SCO2: variants seen among roughly 807,000 people sequenced by gnomAD.
The protein encoded by SCO2 is cytochrome c oxidase assembly factor SCO2.
For synonymous variants in SCO2, 195 were observed against 148.6 expected (o/e 1.31, Z -2.27); for missense variants, 429 against 348.7 (o/e 1.23, Z -1.83).
chr22:50,525,888 C>T (rs1348985658), upstream of SCO2: 3 of 1,575,620 alleles, frequency 1.9e-6, no homozygotes, highest in Non-Finnish European at 2.6e-6. Flanking sequence ...GAGCGCGGGG[C>T]CGTCCCGGTG....
chr22:50,523,819 A>G lies in SCO2; in HGVS notation c.593T>C (p.Val198Ala), dbSNP rs747200175. The change falls in exon 2 of 2, where the codon GTT (valine) becomes GCT (alanine). Residue 198 changes from valine (V) to alanine (A), a missense_variant. Coordinates refer to ENST00000395693, the MANE Select transcript of SCO2 (RefSeq NM_005138.3). ...GCGGTAACTGTGACTAGCCTGGGCA[A>G]CCTGTTTGGTGGAGCCGGTCAGACC... ...LLGLTGSTKQ[V>A]AQASHSYRVY... The G allele has an allele frequency of 4.3e-6, 7 of 1,613,974 alleles. No individual in the cohort carries two copies. In the South Asian group the frequency reaches 7.7e-5, roughly 18 times the overall value.
At chr22:50,525,675 G>A (rs1046302038), upstream of SCO2, 15 of 1,533,086 alleles carry the variant, frequency 9.8e-6, no homozygotes, top group African/African-American at 8.3e-5. Flanking sequence ...GAGCCCGCCG[G>A]GGGTCACGTG....
upstream of SCO2, chr22:50,526,403 C>T: frequency 3.3e-6 from 5 of 1,518,004 alleles, no homozygotes; most frequent in Non-Finnish European, 4.4e-6. Context: ...AGCCGTCGTC[C>T]AGCGCCGCGG....
rs1458474596 is a variant in SCO2, at chr22:50,525,516, C to A, written c.-58G>T. On this transcript the variant is annotated 5_prime_UTR_variant, in exon 1 of 2. Transcript: ENST00000395693. The stretch of plus-strand genomic sequence containing the variant: ...TCAGTGGACCAAGCACGAGAGGAAG[C>A]GCCGACCTCCAGCTCCCTGCGCTCT... The A allele has an allele frequency of 7.1e-6, 4 of 563,438 alleles. No homozygotes were observed. The highest frequency in any genetic ancestry group is 2.0e-5 in the African/African-American group (1 of 49,382). The allele number at this position is 563,438 out of a possible 1,614,324, so 34.9% of individuals were successfully genotyped here. A position where few individuals can be genotyped will look rare whatever the true frequency, so the allele number is the denominator to read the frequency against.
Position 50,525,531 on chromosome 22 carries a change from C to T in SCO2, c.-73G>A, listed in dbSNP as rs1340762031. On this transcript the variant is annotated 5_prime_UTR_variant, in exon 1 of 2. Transcript: ENST00000395693. ...CGAGAGGAAGCGCCGACCTCCAGCT[C>T]CCTGCGCTCTGCCCCGCCGGCTCAG... is the stretch of plus-strand genomic sequence containing the variant. The T allele has an allele frequency of 4.9e-6, 3 of 611,936 alleles. No homozygotes were observed. The highest frequency in any genetic ancestry group is 3.0e-5 in the East Asian group (1 of 32,976). The allele number at this position is 611,936 out of a possible 1,614,324, so 37.9% of individuals were successfully genotyped here. A position where few individuals can be genotyped will look rare whatever the true frequency, so the allele number is the denominator to read the frequency against.
At chr22:50,525,715 C>T (rs1189910034), upstream of SCO2, 7 of 1,583,960 alleles carry the variant, frequency 4.4e-6, no homozygotes, top group African/African-American at 2.7e-5. Flanking sequence ...CCTCCGCAGC[C>T]CTGGATCCTT....
chr22:50,526,240 G>T, upstream of SCO2: 3 of 1,536,822 alleles, frequency 2.0e-6, no homozygotes, highest in Non-Finnish European at 1.7e-6. Context: ...CTCCCCCGAC[G>T]CTCACCATCT....
intron 1 of SCO2, among the ~76,000 whole-genome samples, chr22:50,524,992 C>T (rs982665615): frequency 6.6e-6 from 1 of 152,198 alleles, no homozygotes; most frequent in Non-Finnish European, 1.5e-5. Flanking sequence ...CCACAAAACC[C>T]CACCCTCCTC....
In SCO2 at chr22:50,523,688, C is replaced by T. The variant is rs200610534; in HGVS notation, c.724G>A (p.Gly242Ser). The T allele has an allele frequency of 3.0e-5, 48 of 1,614,080 alleles. No homozygotes were observed. Among genetic ancestry groups the T allele is most frequent in the African/African-American group, 2.0e-4 (15 of 75,040 alleles). Residue 242 changes from glycine (G) to serine (S), a missense_variant, in exon 2 of 2, where the codon GGC (glycine) becomes AGC (serine). Gly to Ser is a moderately conservative substitution (Grantham distance 56). Transcript: ENST00000395693. ...ATCTGCTCAGCCGATCTGCTCCGGC[C>T]GTAGTAATCCGTGAAGAGGCCGTCA... ...NPDGLFTDYYGRSRSAEQISD... is the reference protein window; with the variant it reads ...NPDGLFTDYYSRSRSAEQISD...
upstream of SCO2, chr22:50,525,822 G>A (rs2069331076): frequency 6.2e-7 from 1 of 1,610,106 alleles, no homozygotes; most frequent in African/African-American, 1.3e-5. Context: ...GGCGGCGAAT[G>A]GCGCGCGGTC....
upstream of SCO2, chr22:50,525,881 C>T (rs1381632818): frequency 1.9e-6 from 3 of 1,583,192 alleles, no homozygotes; most frequent in Non-Finnish European, 2.6e-6. Context: ...GGCCGCTGAG[C>T]GCGGGGCCGT....
chr22:50,524,230 A>G lies in SCO2; in HGVS notation c.182T>C (p.Leu61Pro), dbSNP rs998111439. ...QPQGPGLRTR[L>P]LITGLFGAGL... Reference sequence around the variant, plus strand: ...AGCCCCGAACAGGCCTGTGATCAGCAGCCGGGTTCGAAGCCCAGGGCCCTG... The same window carrying G: ...AGCCCCGAACAGGCCTGTGATCAGCGGCCGGGTTCGAAGCCCAGGGCCCTG... The change falls in exon 2 of 2, where the codon CTG becomes CCG. Residue 61 changes from leucine (L) to proline (P), a missense_variant. Leu to Pro is a moderately conservative substitution (Grantham distance 98). Coordinates refer to ENST00000395693, the MANE Select transcript of SCO2 (RefSeq NM_005138.3). The G allele has an allele frequency of 6.2e-7, 1 of 1,607,304 alleles. No homozygotes were observed. Among genetic ancestry groups the G allele is most frequent in the African/African-American group, 1.3e-5 (1 of 74,988 alleles).
At chr22:50,525,656 C>T (rs2069318697), upstream of SCO2, 2 of 1,484,714 alleles carry the variant, frequency 1.3e-6, no homozygotes, top group Non-Finnish European at 1.8e-6. Context: ...AGCGCGTGCG[C>T]GGAAGGCGGA....
upstream of SCO2, chr22:50,525,783 G>T (rs1245466741): frequency 6.8e-6 from 11 of 1,610,866 alleles, no homozygotes; most frequent in South Asian, 1.1e-5. Flanking sequence ...TTGCTGCGGC[G>T]GCAGAACGAG....
rs749910960 is a variant in SCO2, at chr22:50,523,922, A to G, written c.490T>C (p.Phe164Leu). Residue 164 changes from phenylalanine (F) to leucine (L), a missense_variant, in exon 2 of 2, where the codon TTC becomes CTC. Transcript: ENST00000395693. Reference protein sequence around the residue: ...EPGLPPVQPVFITVDPERDDV... With the variant: ...EPGLPPVQPVLITVDPERDDV... ...TCCCGCTCGGGGTCCACAGTGATGA[A>G]GACAGGCTGCACTGGAGGCAAACCA... 5 of 1,613,348 alleles carry G rather than the reference A, an allele frequency of 3.1e-6. No individual in the cohort carries two copies. In the South Asian group the frequency reaches 5.5e-5, roughly 18 times the overall value.
At position 50,524,272 on chromosome 22, in the gene SCO2, C is replaced by T. The variant is rs2069228040; in HGVS notation, c.140G>A (p.Gly47Asp). The T allele has an allele frequency of 6.2e-7, 1 of 1,604,182 alleles. No individual in the cohort carries two copies. Among genetic ancestry groups the T allele is most frequent in the South Asian group, 1.1e-5 (1 of 91,064 alleles). ...LLSRQGPAET[G>D]GQGQPQGPGL... is the part of the protein sequence containing the mutation. Reference sequence around the variant, plus strand: ...AGGGCCCTGGGGCTGGCCCTGCCCACCTGTCTCTGCAGGGCCCTGCCTTGA... The same window carrying T: ...AGGGCCCTGGGGCTGGCCCTGCCCATCTGTCTCTGCAGGGCCCTGCCTTGA... Residue 47 changes from glycine (G) to aspartate (D), a missense_variant, in exon 2 of 2, where the codon GGT becomes GAT. Gly to Asp is a moderately conservative substitution (Grantham distance 94). Transcript: ENST00000395693.
Position 50,523,817 on chromosome 22 carries a change from C to T in SCO2, c.595G>A (p.Ala199Thr), listed in dbSNP as rs775864822. The stretch of plus-strand genomic sequence containing the variant: ...ACGCGGTAACTGTGACTAGCCTGGG[C>T]AACCTGTTTGGTGGAGCCGGTCAGA... ...LGLTGSTKQVAQASHSYRVYY... is the reference protein window; with the variant it reads ...LGLTGSTKQVTQASHSYRVYY... The change falls in exon 2 of 2, where the codon GCC becomes ACC. Residue 199 changes from alanine (A) to threonine (T), a missense_variant. Ala to Thr is a moderately conservative substitution (Grantham distance 58). Transcript: ENST00000395693. The T allele has an allele frequency of 9.3e-6, 15 of 1,614,122 alleles. No individual in the cohort carries two copies. Among genetic ancestry groups the T allele is most frequent in the Non-Finnish European group, 1.3e-5 (15 of 1,180,038 alleles).
At chr22:50,524,489 T>C (rs757776705) in intron 1 of SCO2, 65 bp from the exon 2 acceptor site, 1 of 1,482,602 alleles carries the variant, frequency 6.7e-7, no homozygotes, top group South Asian at 1.2e-5. Context: ...GGGCTGCCCC[T>C]GCGACTTGAG....
Position 50,524,217 on chromosome 22 carries a change from G to C in SCO2, c.195C>G (p.Gly65=), listed in dbSNP as rs765629884. The C allele has an allele frequency of 2.7e-5, 44 of 1,608,068 alleles. No individual in the cohort carries two copies. Among genetic ancestry groups the C allele is most frequent in the Non-Finnish European group, 3.7e-5 (44 of 1,179,914 alleles). The change falls in exon 2 of 2, where the codon GGC becomes GGG. Residue 65 remains glycine (G), a synonymous_variant. Transcript: ENST00000395693. The part of the protein sequence containing the change: ...PGLRTRLLIT[G]LFGAGLGGAW... ...CCCCACCGAGTCCAGCCCCGAACAG[G>C]CCTGTGATCAGCAGCCGGGTTCGAA...
Sources: gnomAD v4.1 joint callset for allele counts (sites outside exome capture counted in the v4.1 genomes callset) on GRCh38, gnomAD v4.1.1 for gene constraint, MANE v1.5 for transcripts, NCBI Gene and HGNC (gene_info 2026-07-23, HGNC 2026-07-21) for gene names.